Variants in GTF2IRD1 observed in about 807,000 individuals in gnomAD.
The protein encoded by GTF2IRD1 is general transcription factor II-I repeat domain-containing protein 1.
A neutral mutation model predicts 113.2 loss-of-function variants in GTF2IRD1; 26 were observed. The ratio of observed to expected loss-of-function variants is 0.23; its 90% CI spans 0.17 to 0.32. The LOEUF is 0.32. Ranked by LOEUF, GTF2IRD1 falls within the 10% of genes least tolerant of loss-of-function variation. GTF2IRD1 has a pLI of 1.00. For synonymous variants in GTF2IRD1, 484 were observed against 529.1 expected, an observed-to-expected ratio of 0.91 and a Z score of 1.17; for missense variants, 864 against 1,280.8, an observed-to-expected ratio of 0.67 and a Z score of 4.97.
At chr7:74,487,634 C>A (rs1425342774) in intron 1 of GTF2IRD1, 1 of 152,054 alleles carries the variant, frequency 6.6e-6, no homozygotes, top group Non-Finnish European at 1.5e-5. Flanking sequence ...ACAAGAAAGC[C>A]TAGCTTATTT....
Position 74,589,847 on chromosome 7 carries a change from GT to G in GTF2IRD1, c.2321-3del. 6.3e-7 allele frequency: 1 copy of G among 1,593,446 alleles called. No homozygotes were observed. The highest frequency in any genetic ancestry group is 8.6e-7 in the Non-Finnish European group (1 of 1,161,246). Reference sequence around the variant, plus strand: ...TCTCATGCCCCCTTGTCTTCCTCTTGTAGATGAAGATGACGCCAACAGACTC... The same window carrying G: ...TCTCATGCCCCCTTGTCTTCCTCTTGAGATGAAGATGACGCCAACAGACTC... On this transcript the variant is annotated splice_region_variant and splice_polypyrimidine_tract_variant and intron_variant, in intron 22 of 26. Transcript: ENST00000424337.
intron 1 of GTF2IRD1, among the ~76,000 whole-genome samples, chr7:74,464,352 G>A (rs1170574873): frequency 6.6e-6 from 1 of 152,144 alleles, no homozygotes; most frequent in African/African-American, 2.4e-5. Flanking sequence ...CAGGGCTCTC[G>A]GCTTCCTAAG....
chr7:74,548,191 G>A (rs1311300930), intron 17 of GTF2IRD1, among the ~76,000 whole-genome samples: 1 of 152,124 alleles, frequency 6.6e-6, no homozygotes, highest in African/African-American at 2.4e-5. Context: ...GCTGAGGCGG[G>A]TGGATCACGA....
chr7:74,501,186 C>T (rs1349699652), intron 1 of GTF2IRD1, among the ~76,000 whole-genome samples: 3 of 152,150 alleles, frequency 2.0e-5, no homozygotes, highest in Admixed American at 1.3e-4. Context: ...TGGGTGGTCT[C>T]GCCTGTTCAC....
chr7:74,560,507 T>A (rs1799884508), intron 22 of GTF2IRD1, among the ~76,000 whole-genome samples: 1 of 146,970 alleles, frequency 6.8e-6, no homozygotes, highest in Non-Finnish European at 1.5e-5. Context: ...ATATTATATA[T>A]AATTAAAAAT....
At chr7:74,528,356 C>A (rs1272422280) in intron 8 of GTF2IRD1, among the ~76,000 whole-genome samples, 5 of 152,124 alleles carry the variant, frequency 3.3e-5, no homozygotes, top group African/African-American at 1.2e-4. Flanking sequence ...GACTACAGGC[C>A]CAAGCCCGGC....
At chr7:74,519,798 G>A (rs1453979194) in intron 6 of GTF2IRD1, 79 bp downstream of exon 6, 3 of 1,044,462 alleles carry the variant, frequency 2.9e-6, no homozygotes, top group Non-Finnish European at 4.2e-6. Context: ...CCCAGGGCAG[G>A]TCAGGATGCC....
chr7:74,501,257 G>A (rs1281953341), intron 1 of GTF2IRD1, among the ~76,000 whole-genome samples: 1 of 152,200 alleles, frequency 6.6e-6, no homozygotes, highest in Non-Finnish European at 1.5e-5. Context: ...TTCCACGGGG[G>A]AAGGGGCTTG....
intron 2 of GTF2IRD1, among the ~76,000 whole-genome samples, chr7:74,509,954 C>T (rs1554342432): frequency 1.3e-5 from 2 of 152,068 alleles, no homozygotes; most frequent in African/African-American, 2.4e-5. Context: ...GGATTACAGG[C>T]GTGAGCCACT....
intron 3 of GTF2IRD1, among the ~76,000 whole-genome samples, chr7:74,514,774 C>A (rs1191198978): frequency 6.6e-6 from 1 of 151,820 alleles, no homozygotes; most frequent in South Asian, 2.1e-4. Context: ...AGACAGTGTT[C>A]GTGTCAGAGC....
intron 1 of GTF2IRD1, among the ~76,000 whole-genome samples, chr7:74,461,063 T>C (rs1793332150): frequency 6.6e-6 from 1 of 152,190 alleles, no homozygotes; most frequent in Non-Finnish European, 1.5e-5. Flanking sequence ...AAAAGGGAGA[T>C]GGCTCTCCCC....
At chr7:74,482,774 T>G (rs1413372556) in intron 1 of GTF2IRD1, among the ~76,000 whole-genome samples, 7 of 152,162 alleles carry the variant, frequency 4.6e-5, no homozygotes, top group African/African-American at 1.7e-4. Context: ...CCATGTGACC[T>G]CAGATTCTTT....
intron 1 of GTF2IRD1, among the ~76,000 whole-genome samples, chr7:74,473,955 G>A (rs549440413): frequency 1.3e-5 from 2 of 152,066 alleles, no homozygotes; most frequent in South Asian, 4.2e-4. Context: ...TGGGCGCAGT[G>A]GCTCACACCT....
chr7:74,550,032 C>T (rs185298009), intron 17 of GTF2IRD1, among the ~76,000 whole-genome samples: 113 of 134,470 alleles, frequency 8.4e-4, no homozygotes, highest in African/African-American at 3.8e-3. Context: ...AGCAAAACTC[C>T]ATCTCAAAAA....
chr7:74,551,734 G>A (rs1441629393), intron 17 of GTF2IRD1, among the ~76,000 whole-genome samples: 1 of 151,862 alleles, frequency 6.6e-6, no homozygotes, highest in Non-Finnish European at 1.5e-5. Flanking sequence ...TCAAGAGTTC[G>A]AGACCAGCCT....
chr7:74,486,097 A>C (rs1795009804), intron 1 of GTF2IRD1, among the ~76,000 whole-genome samples: 1 of 151,782 alleles, frequency 6.6e-6, no homozygotes, highest in South Asian at 2.1e-4. Flanking sequence ...CAGCCTCCTG[A>C]GTAGCTGGGA....
chr7:74,469,412 C>G (rs1554331808), intron 1 of GTF2IRD1, among the ~76,000 whole-genome samples: 1 of 151,998 alleles, frequency 6.6e-6, no homozygotes, highest in Non-Finnish European at 1.5e-5. Flanking sequence ...GAATCTCCCC[C>G]CATTAAGCAG....
In GTF2IRD1 at chr7:74,515,056, C is replaced by CAAA. The variant is rs782246030; in HGVS notation, c.266-364_266-362dup. 7.9e-3 allele frequency among the ~76,000 whole-genome samples: 524 copies of CAAA among 66,700 alleles called. 6 individuals carry two copies. The highest frequency in any genetic ancestry group is 0.01 in the Non-Finnish European group (343 of 34,076). The allele number at this position is 66,700 out of a possible 152,430, so 43.8% of individuals were successfully genotyped here. A position where few individuals can be genotyped will look rare whatever the true frequency, so the allele number is the denominator to read the frequency against. ...TGGGCAACAGAGCGAGACTCTGTCTCAAAAAAAAAAAAAAAAAAAAAAATA... is the reference window on the plus strand; with the variant it reads ...TGGGCAACAGAGCGAGACTCTGTCTCAAAAAAAAAAAAAAAAAAAAAAAAAATA... On this transcript the variant is annotated intron_variant, in intron 3 of 26. Coordinates refer to ENST00000424337, the MANE Select transcript of GTF2IRD1 (RefSeq NM_005685.4).
At chr7:74,510,698 G>A (rs1244736807) in intron 2 of GTF2IRD1, among the ~76,000 whole-genome samples, 4 of 152,148 alleles carry the variant, frequency 2.6e-5, no homozygotes, top group African/African-American at 7.2e-5. Flanking sequence ...GTCAGAAGTG[G>A]CTGGTGTCTA....
Sources: allele counts gnomAD v4.1 joint callset (sites outside exome capture counted in the v4.1 genomes callset), GRCh38; gene constraint gnomAD v4.1.1; transcripts MANE v1.5; gene names NCBI Gene and HGNC (gene_info 2026-07-23, HGNC 2026-07-21).